Variants in LSAMP observed in about 807,000 individuals in gnomAD.
LSAMP encodes limbic system associated membrane protein.
Under a neutral mutation model 38.6 loss-of-function variants are expected in LSAMP, and 7 were observed. The observed-to-expected ratio is 0.18, with a 90% CI of 0.10 to 0.34. LSAMP has a LOEUF of 0.34. Among genes scored for constraint, LSAMP ranks in the 10% least tolerant of loss-of-function variants. The probability of loss-of-function intolerance (pLI) is 1.00; values close to 1 mark genes in which losing one functional copy is unlikely to be tolerated. For missense variants in LSAMP, 313 were observed against 420.0 expected, an observed-to-expected ratio of 0.75 and a Z score of 2.23; for synonymous variants, 154 against 166.8, an observed-to-expected ratio of 0.92 and a Z score of 0.59.
chr3:116,282,248 AT>A (rs144199461), intron 1 of LSAMP, among the ~76,000 whole-genome samples: 3,053 of 152,202 alleles, frequency 0.02, 92 homozygotes, highest in African/African-American at 0.069. Context: ...TTTGCCTTTG[AT>A]TTCCCTCAAC....
At chr3:116,424,489 G>A (rs1366447326) in intron 1 of LSAMP, among the ~76,000 whole-genome samples, 1 of 152,198 alleles carries the variant, frequency 6.6e-6, no homozygotes, top group Non-Finnish European at 1.5e-5. Context: ...TCTTACTAAT[G>A]AAGGCTGAAT....
chr3:116,433,359 A>G (rs1417788919), intron 1 of LSAMP, among the ~76,000 whole-genome samples: 3 of 152,192 alleles, frequency 2.0e-5, no homozygotes, highest in African/African-American at 7.2e-5. Context: ...TCATTAGACA[A>G]TTACAATAGA....
intron 1 of LSAMP, among the ~76,000 whole-genome samples, chr3:116,253,577 T>A (rs932408186): frequency 6.6e-6 from 1 of 152,322 alleles, no homozygotes; most frequent in Admixed American, 6.5e-5. Context: ...TAAACCTTAA[T>A]AATTTTCTCT....
intron 1 of LSAMP, among the ~76,000 whole-genome samples, chr3:116,239,618 T>C (rs2046506667): frequency 6.6e-6 from 1 of 152,134 alleles, no homozygotes; most frequent in Non-Finnish European, 1.5e-5. Flanking sequence ...ATAAATTAAC[T>C]TGCAGAAAAT....
At chr3:116,004,847 T>C (rs966585858) in intron 3 of LSAMP, among the ~76,000 whole-genome samples, 4 of 152,110 alleles carry the variant, frequency 2.6e-5, no homozygotes, top group Admixed American at 6.6e-5. Flanking sequence ...TTATAGCTGA[T>C]TGCCTGTAGA....
intron 6 of LSAMP, among the ~76,000 whole-genome samples, chr3:115,834,393 G>A (rs530180765): frequency 1.3e-5 from 2 of 152,162 alleles, no homozygotes; most frequent in East Asian, 3.9e-4. Flanking sequence ...CTATTCAACT[G>A]GTGTTGGAAG....
intron 1 of LSAMP, among the ~76,000 whole-genome samples, chr3:116,371,813 G>A (rs1429257225): frequency 6.6e-6 from 1 of 151,912 alleles, no homozygotes; most frequent in Admixed American, 6.6e-5. Flanking sequence ...ACACCTGTTA[G>A]AACTAATAAA....
chr3:116,010,363 G>A (rs1940290064), intron 3 of LSAMP, among the ~76,000 whole-genome samples: 1 of 152,196 alleles, frequency 6.6e-6, no homozygotes, highest in Non-Finnish European at 1.5e-5. Flanking sequence ...CTTTTCCCTG[G>A]AATAACTAAT....
intron 1 of LSAMP, among the ~76,000 whole-genome samples, chr3:116,180,229 C>T (rs1202543176): frequency 6.6e-6 from 1 of 151,964 alleles, no homozygotes; most frequent in Non-Finnish European, 1.5e-5. Flanking sequence ...ACTTAGAGTT[C>T]AACTGAGGCA....
intron 3 of LSAMP, among the ~76,000 whole-genome samples, chr3:115,992,906 G>T (rs976415395): frequency 4.6e-5 from 7 of 152,020 alleles, no homozygotes; most frequent in Non-Finnish European, 7.4e-5. Context: ...GACCTTGAGG[G>T]CTTGGGAGAG....
chr3:116,047,549 G>A (rs1423706047), intron 2 of LSAMP, among the ~76,000 whole-genome samples: 1 of 151,828 alleles, frequency 6.6e-6, no homozygotes, highest in African/African-American at 2.4e-5. Flanking sequence ...GCTATTACCT[G>A]TACATCCCAA....
Position 116,445,042 on chromosome 3 carries a change from C to T in LSAMP, c.-11G>A. On this transcript the variant is annotated 5_prime_UTR_variant, in exon 1 of 7. Coordinates refer to ENST00000490035, the MANE Select transcript of LSAMP (RefSeq NM_002338.5). The stretch of plus-strand genomic sequence containing the variant: ...AACTCTCCTGACCATGGTGGCCACG[C>T]CGAGGTGCGGGTCCGCGGGGTGCTC... 1 of 1,607,264 alleles carries T rather than the reference C, an allele frequency of 6.2e-7. No homozygotes were observed. Among genetic ancestry groups the T allele is most frequent in the East Asian group, 2.2e-5 (1 of 44,740 alleles).
intron 3 of LSAMP, among the ~76,000 whole-genome samples, chr3:115,893,641 A>G (rs1936657125): frequency 6.6e-6 from 1 of 152,062 alleles, no homozygotes; most frequent in Admixed American, 6.6e-5. Flanking sequence ...AAAATATTAT[A>G]AAAGTGTAGT....
At chr3:116,183,327 A>G (rs1170577994) in intron 1 of LSAMP, among the ~76,000 whole-genome samples, 8 of 151,930 alleles carry the variant, frequency 5.3e-5, no homozygotes, top group Non-Finnish European at 1.2e-4. Context: ...TGCTTATTGC[A>G]TGGAAGGCAC....
intron 3 of LSAMP, among the ~76,000 whole-genome samples, chr3:115,881,590 G>A (rs1936324060): frequency 6.6e-6 from 1 of 152,106 alleles, no homozygotes; most frequent in South Asian, 2.1e-4. Context: ...CTTCTTGACT[G>A]GTTGTGTTCT....
intron 3 of LSAMP, among the ~76,000 whole-genome samples, chr3:115,960,049 T>C (rs1938575598): frequency 6.6e-6 from 1 of 152,160 alleles, no homozygotes; most frequent in Non-Finnish European, 1.5e-5. Context: ...TGAAGATTTG[T>C]GTCCCTTACT....
intron 1 of LSAMP, among the ~76,000 whole-genome samples, chr3:116,123,464 A>T (rs1708934064): frequency 6.6e-6 from 1 of 152,258 alleles, no homozygotes; most frequent in South Asian, 2.1e-4. Flanking sequence ...AATAGGCAAC[A>T]TTATGCCATA....
chr3:116,150,916 C>G (rs1429175461), intron 1 of LSAMP, among the ~76,000 whole-genome samples: 1 of 151,744 alleles, frequency 6.6e-6, no homozygotes, highest in Non-Finnish European at 1.5e-5. Flanking sequence ...TCACTCTTAG[C>G]ATATGCAAAG....
intron 1 of LSAMP, among the ~76,000 whole-genome samples, chr3:116,393,979 G>A (rs945737931): frequency 6.6e-6 from 1 of 152,182 alleles, no homozygotes; most frequent in Non-Finnish European, 1.5e-5. Flanking sequence ...TGAGTCTTTA[G>A]TTGGGACTGA....
Sources: gnomAD v4.1 joint callset for allele counts (sites outside exome capture counted in the v4.1 genomes callset) on GRCh38, gnomAD v4.1.1 for gene constraint, MANE v1.5 for transcripts, NCBI Gene and HGNC (gene_info 2026-07-23, HGNC 2026-07-21) for gene names.